The following MYPN variants were observed in gnomAD, a reference collection of about 807,000 sequenced individuals.
MYPN encodes sarcomeric protein myopalladin, 145 kDa (MYOP).
MYPN carries 63 observed loss-of-function variants against 129.4 expected under a neutral mutation model. The ratio of observed to expected loss-of-function variants is 0.49; its 90% CI spans 0.40 to 0.60. MYPN has a LOEUF of 0.60. Ranked by LOEUF, MYPN falls within the 20% of genes least tolerant of loss-of-function variation. The pLI, the probability that MYPN is intolerant of heterozygous loss-of-function variation, is 0.00. For synonymous variants in MYPN, 629 were observed against 600.9 expected, an observed-to-expected ratio of 1.05 and a Z score of -0.68; for missense variants, 1,596 against 1,635.4, an observed-to-expected ratio of 0.98 and a Z score of 0.42.
chr10:68,097,181 C>G (rs966537569), intron 1 of MYPN, among the ~76,000 whole-genome samples: 2 of 152,190 alleles, frequency 1.3e-5, no homozygotes, highest in African/African-American at 4.8e-5. Flanking sequence ...TGAATCTGAA[C>G]TTGATTACTA....
chr10:68,132,016 T>C (rs2042419081), intron 2 of MYPN, among the ~76,000 whole-genome samples: 1 of 152,188 alleles, frequency 6.6e-6, no homozygotes, highest in African/African-American at 2.4e-5. Flanking sequence ...TCATTATTTT[T>C]GCTGTTTTGA....
chr10:68,173,118 T>G, intron 10 of MYPN, among the ~76,000 whole-genome samples: 1 of 152,144 alleles, frequency 6.6e-6, no homozygotes. Context: ...CAGGAAAAGA[T>G]GTTAAACCAG....
chr10:68,145,925 C>T (rs2042659087), intron 4 of MYPN, among the ~76,000 whole-genome samples: 1 of 152,172 alleles, frequency 6.6e-6, no homozygotes, highest in South Asian at 2.1e-4. Context: ...ACTCCTCCTT[C>T]TCTCCTGCCT....
chr10:68,195,409 G>T, intron 14 of MYPN, 41 bp from the exon 15 acceptor site: 3 of 1,586,394 alleles, frequency 1.9e-6, no homozygotes, highest in Non-Finnish European at 2.6e-6. Flanking sequence ...AAAAATGTGA[G>T]ATTGTTCTTG....
At chr10:68,155,973 C>T (rs559664090) in intron 6 of MYPN, among the ~76,000 whole-genome samples, 20 of 152,202 alleles carry the variant, frequency 1.3e-4, no homozygotes, top group Non-Finnish European at 2.2e-4. Context: ...AAATGAATAA[C>T]AACCAACTGA....
In MYPN at chr10:68,182,471, T is replaced by TATATAC. The variant is rs780542025; in HGVS notation, c.2704-6433_2704-6432insTATACA. Reference sequence around the variant, plus strand: ...ATATAACATATATATATAACATATATACACACACACACACACACACACACA... The same window carrying TATATAC: ...ATATAACATATATATATAACATATATATATACACACACACACACACACACACACACA... On this transcript the variant is annotated intron_variant, in intron 12 of 19. Coordinates refer to ENST00000358913, the MANE Select transcript of MYPN (RefSeq NM_032578.4). Among the ~76,000 whole-genome samples, 15 of 104,666 alleles carry TATATAC rather than the reference T, an allele frequency of 1.4e-4. 1 individual carries two copies. The highest frequency in any genetic ancestry group is 2.8e-4 in the African/African-American group (8 of 28,846). The allele number at this position is 104,666 out of a possible 152,430, so 68.7% of individuals were successfully genotyped here.
intron 1 of MYPN, among the ~76,000 whole-genome samples, chr10:68,112,411 A>G (rs1295999150): frequency 6.6e-6 from 1 of 152,182 alleles, no homozygotes; most frequent in East Asian, 1.9e-4. Context: ...CACTCAAACG[A>G]AATCTTTACT....
chr10:68,165,432 A>G, intron 8 of MYPN: 1 of 502,490 alleles, frequency 2.0e-6, no homozygotes, highest in Non-Finnish European at 3.9e-6. Flanking sequence ...AGCCTGGGCA[A>G]CAGAGCGAGA....
At chr10:68,104,332 T>C (rs965163629), upstream of MYPN, among the ~76,000 whole-genome samples, 1 of 152,186 alleles carries the variant, frequency 6.6e-6, no homozygotes, top group East Asian at 1.9e-4. Flanking sequence ...GCTAACCTTA[T>C]GAAGAGAGAA....
upstream of MYPN, chr10:68,106,945 C>T (rs540533071): frequency 6.5e-6 from 4 of 619,520 alleles, no homozygotes; most frequent in Admixed American, 5.7e-5. Flanking sequence ...TGTAACCAAC[C>T]TTGTGTTTGC....
At chr10:68,209,235 A>G (rs1477097742) in intron 19 of MYPN, among the ~76,000 whole-genome samples, 7 of 152,196 alleles carry the variant, frequency 4.6e-5, no homozygotes, top group African/African-American at 1.7e-4. Context: ...ACCACAGCAG[A>G]GACTGTGAAG....
upstream of MYPN, among the ~76,000 whole-genome samples, chr10:68,101,323 C>G (rs1280742010): frequency 3.3e-5 from 5 of 152,182 alleles, no homozygotes; most frequent in Non-Finnish European, 5.9e-5. Context: ...ATTGGTGGAA[C>G]ATTTTGGTTG....
intron 2 of MYPN, among the ~76,000 whole-genome samples, chr10:68,139,655 T>C (rs1484797012): frequency 6.6e-6 from 1 of 152,242 alleles, no homozygotes; most frequent in Non-Finnish European, 1.5e-5. Context: ...GGGAGATTTA[T>C]GAACCCATTT....
rs1589608098 is a variant in MYPN at position 68,195,500 on chromosome 10, CA to C, written c.3127del (p.Ser1043ValfsTer3). 1 of 1,614,064 alleles carries C rather than the reference CA, an allele frequency of 6.2e-7. No individual in the cohort carries two copies. Among genetic ancestry groups the C allele is most frequent in the Non-Finnish European group, 8.5e-7 (1 of 1,179,958 alleles). On this transcript the variant is annotated frameshift_variant, in exon 15 of 20. Transcript: ENST00000358913. LOFTEE classifies it high-confidence loss of function. ...HLMVQSLPIR[S>X]RLTSAGQSHR... The stretch of plus-strand genomic sequence containing the variant: ...TGATGGTACAAAGTTTGCCCATTCG[CA>C]GTCGGCTAACCTCTGCTGGTCAGTC...
At chr10:68,089,089 T>G (rs2041919185) in intron 1 of MYPN, among the ~76,000 whole-genome samples, 1 of 152,236 alleles carries the variant, frequency 6.6e-6, no homozygotes, top group Non-Finnish European at 1.5e-5. Context: ...CGGAGTGCAG[T>G]GGTGCTAGCT....
At chr10:68,138,683 G>C (rs2042526125) in intron 2 of MYPN, among the ~76,000 whole-genome samples, 1 of 152,166 alleles carries the variant, frequency 6.6e-6, no homozygotes, top group South Asian at 2.1e-4. Context: ...TGCTTGGTTT[G>C]CTGATGTTAG....
chr10:68,202,109 G>A lies in MYPN; in HGVS notation c.3659+115G>A, dbSNP rs1446458467. ...TTACTTCATTTAGAATAATGCATTTGCGTTTCATTGATATTATTGTGTGTA... is the reference window on the plus strand; with the variant it reads ...TTACTTCATTTAGAATAATGCATTTACGTTTCATTGATATTATTGTGTGTA... On this transcript the variant is annotated intron_variant, in intron 18 of 19. Coordinates refer to ENST00000358913, the MANE Select transcript of MYPN (RefSeq NM_032578.4). The A allele has an allele frequency of 2.4e-6, 3 of 1,231,148 alleles. No homozygotes were observed. The African/African-American group carries it at 4.4e-5, about 18-fold the overall frequency. 76.3% of individuals were successfully genotyped at this position (1,231,148 alleles called of 1,614,324 possible). A position where few individuals can be genotyped will look rare whatever the true frequency, so the allele number is the denominator to read the frequency against.
At chr10:68,148,722 G>T (rs1426139459) in intron 5 of MYPN, among the ~76,000 whole-genome samples, 1 of 152,166 alleles carries the variant, frequency 6.6e-6, no homozygotes, top group African/African-American at 2.4e-5. Context: ...TTTATAAAGG[G>T]TGCTGATTAC....
chr10:68,099,087 C>A (rs562336441), intron 1 of MYPN, among the ~76,000 whole-genome samples: 2 of 152,164 alleles, frequency 1.3e-5, no homozygotes, highest in East Asian at 1.9e-4. Flanking sequence ...TTTAATGTTT[C>A]TTTTTGTTGC....
Sources: gnomAD v4.1 joint callset for allele counts (sites outside exome capture counted in the v4.1 genomes callset) on GRCh38, gnomAD v4.1.1 for gene constraint, MANE v1.5 for transcripts, NCBI Gene and HGNC (gene_info 2026-07-23, HGNC 2026-07-21) for gene names.